The following DOCK4 variants were observed in gnomAD, a reference collection of about 807,000 sequenced individuals.
The protein encoded by DOCK4 is dedicator of cytokinesis 4.
In DOCK4, 97 loss-of-function variants were observed where a neutral mutation model predicts 268.1. The observed-to-expected ratio is 0.36, with a 90% CI of 0.31 to 0.43. DOCK4 has a LOEUF of 0.43. DOCK4 is among the 20% of genes least tolerant of loss of function. DOCK4 has a pLI of 1.00. For synonymous variants in DOCK4, 954 were observed against 887.2 expected, an observed-to-expected ratio of 1.08 and a Z score of -1.34; for missense variants, 2,145 against 2,455.7, an observed-to-expected ratio of 0.87 and a Z score of 2.67.
At chr7:112,066,776 AT>A (rs1317599691) in intron 1 of DOCK4, among the ~76,000 whole-genome samples, 1 of 137,510 alleles carries the variant, frequency 7.3e-6, no homozygotes, top group African/African-American at 2.7e-5. Context: ...GAGAACCCAA[AT>A]TAACATATTG....
At chr7:112,107,379 G>C (rs1586835774) in intron 1 of DOCK4, among the ~76,000 whole-genome samples, 1 of 152,194 alleles carries the variant, frequency 6.6e-6, no homozygotes, top group East Asian at 1.9e-4. Context: ...TCTAAGAAGA[G>C]GAAAAGACAC....
At chr7:112,196,710 A>C (rs1820484209) in intron 1 of DOCK4, among the ~76,000 whole-genome samples, 1 of 152,174 alleles carries the variant, frequency 6.6e-6, no homozygotes, top group East Asian at 1.9e-4. Context: ...CTGTTTAATA[A>C]GGGAAAGCCA....
intron 1 of DOCK4, among the ~76,000 whole-genome samples, chr7:112,035,868 A>C (rs760403158): frequency 2.6e-5 from 4 of 152,206 alleles, no homozygotes; most frequent in Non-Finnish European, 5.9e-5. Context: ...GCAAAAATTT[A>C]AACATAATTT....
At chr7:112,041,886 GGACA>G (rs1329111675) in intron 1 of DOCK4, among the ~76,000 whole-genome samples, 1 of 152,124 alleles carries the variant, frequency 6.6e-6, no homozygotes, top group Non-Finnish European at 1.5e-5. Flanking sequence ...GCGTACTTCT[GGACA>G]GTCAAGCTGT....
At position 111,935,508 on chromosome 7, in the gene DOCK4, T is replaced by A. The variant is rs773358537; in HGVS notation, c.1066+32A>T. On this transcript the variant is annotated intron_variant, in intron 12 of 52. Transcript: ENST00000428084. ...AAAAAAAAGGGCTTGGAACGAAAAG[T>A]GTAGGGAAAGTCAGCCAGCCCATAC... is the stretch of plus-strand genomic sequence containing the variant. 2.5e-6 allele frequency: 4 copies of A among 1,596,302 alleles called. No individual in the cohort carries two copies. The South Asian group carries it at 4.4e-5, about 18-fold the overall frequency.
chr7:112,045,738 T>C (rs549809749), intron 1 of DOCK4, among the ~76,000 whole-genome samples: 74 of 152,276 alleles, frequency 4.9e-4, no homozygotes, highest in African/African-American at 1.8e-3. Context: ...ATGTCATGGC[T>C]CTAAGTCTGA....
intron 42 of DOCK4, among the ~76,000 whole-genome samples, chr7:111,753,432 A>G (rs1254191849): frequency 6.6e-6 from 1 of 152,174 alleles, no homozygotes; most frequent in Non-Finnish European, 1.5e-5. Context: ...CCATGATCAT[A>G]TCACTGCACT....
intron 1 of DOCK4, among the ~76,000 whole-genome samples, chr7:112,058,847 T>C (rs1806092145): frequency 6.6e-6 from 1 of 151,920 alleles, no homozygotes; most frequent in Non-Finnish European, 1.5e-5. Context: ...CACACTGTCC[T>C]GAAAACTGGT....
intron 1 of DOCK4, among the ~76,000 whole-genome samples, chr7:112,074,899 C>T (rs1042120463): frequency 1.3e-5 from 2 of 152,180 alleles, no homozygotes; most frequent in African/African-American, 2.4e-5. Flanking sequence ...CTCTACAGGG[C>T]TCCTCCTCTA....
intron 12 of DOCK4, among the ~76,000 whole-genome samples, chr7:111,917,623 G>A (rs995007850): frequency 5.3e-5 from 8 of 151,636 alleles, no homozygotes; most frequent in Non-Finnish European, 5.9e-5. Flanking sequence ...GGAGAATGGC[G>A]TGGGCCCGGG....
intron 51 of DOCK4, among the ~76,000 whole-genome samples, chr7:111,734,037 A>C (rs996736065): frequency 3.9e-5 from 6 of 152,148 alleles, no homozygotes; most frequent in Non-Finnish European, 8.8e-5. Context: ...TCCTGGGCTC[A>C]AGCAATTCTC....
chr7:111,796,590 T>C (rs892253709), intron 30 of DOCK4, among the ~76,000 whole-genome samples: 6 of 152,246 alleles, frequency 3.9e-5, no homozygotes, highest in African/African-American at 1.4e-4. Context: ...CTATAGTGTT[T>C]CCTATTAAAA....
At chr7:112,069,371 G>A (rs1025033487) in intron 1 of DOCK4, among the ~76,000 whole-genome samples, 2 of 152,010 alleles carry the variant, frequency 1.3e-5, no homozygotes, top group African/African-American at 2.4e-5. Flanking sequence ...GCCTTTAAGG[G>A]GCTCTCAGCC....
chr7:112,048,057 G>A (rs973650743), intron 1 of DOCK4, among the ~76,000 whole-genome samples: 2 of 152,246 alleles, frequency 1.3e-5, no homozygotes, highest in South Asian at 2.1e-4. Flanking sequence ...TATTATGTGA[G>A]TAACTGTAGT....
chr7:111,757,692 T>G (rs1797123955), intron 41 of DOCK4, among the ~76,000 whole-genome samples: 1 of 152,136 alleles, frequency 6.6e-6, no homozygotes, highest in African/African-American at 2.4e-5. Context: ...CGGTTGTGAA[T>G]GATCCCTGGA....
chr7:111,933,798 T>A (rs1794468209), intron 12 of DOCK4, among the ~76,000 whole-genome samples: 1 of 151,972 alleles, frequency 6.6e-6, no homozygotes, highest in Admixed American at 6.6e-5. Flanking sequence ...ACCCAAGTTA[T>A]CTCTCCAACT....
rs1439579864 is a variant in DOCK4, at chr7:111,809,288, C to T, written c.3107+13G>A. 1.9e-6 allele frequency: 3 copies of T among 1,538,694 alleles called. No homozygotes were observed. The highest frequency in any genetic ancestry group is 2.7e-5 in the African/African-American group (2 of 72,812). On this transcript the variant is annotated intron_variant, in intron 29 of 52. Coordinates refer to ENST00000428084, the MANE Select transcript of DOCK4 (RefSeq NM_001363540.2). ...AGGCAACATTTCTCACCTGATTATA[C>T]ACTGATACTTACTTTTCTAACACCT...
chr7:111,851,487 A>G (rs1295029165), intron 23 of DOCK4, among the ~76,000 whole-genome samples: 4 of 152,112 alleles, frequency 2.6e-5, no homozygotes, highest in African/African-American at 9.7e-5. Flanking sequence ...AAAACATAGA[A>G]GAAAATCCTA....
chr7:112,128,371 G>T (rs1357486690), intron 1 of DOCK4, among the ~76,000 whole-genome samples: 1 of 152,090 alleles, frequency 6.6e-6, no homozygotes, highest in Non-Finnish European at 1.5e-5. Context: ...CCCCTACTGG[G>T]AAGTGAGGAG....
Sources: allele counts gnomAD v4.1 joint callset (sites outside exome capture counted in the v4.1 genomes callset), GRCh38; gene constraint gnomAD v4.1.1; transcripts MANE v1.5; gene names NCBI Gene and HGNC (gene_info 2026-07-23, HGNC 2026-07-21).